The following PGR variants were observed in gnomAD, a reference collection of about 807,000 sequenced individuals.
The protein encoded by PGR is nuclear receptor subfamily 3 group C member 3.
Under a neutral mutation model 76.1 loss-of-function variants are expected in PGR, and 25 were observed. That is an observed-to-expected ratio of 0.33 (90% CI 0.24 to 0.46). PGR has a LOEUF of 0.46. Ranked by LOEUF, PGR falls within the 20% of genes least tolerant of loss-of-function variation. The pLI is 1.00. For synonymous variants in PGR, 579 were observed against 535.0 expected, an observed-to-expected ratio of 1.08 and a Z score of -1.14; for missense variants, 1,172 against 1,225.3, an observed-to-expected ratio of 0.96 and a Z score of 0.65.
chr11:101,053,530 T>TC (rs1318506399), intron 4 of PGR, among the ~76,000 whole-genome samples: 1 of 136,818 alleles, frequency 7.3e-6, no homozygotes, highest in Non-Finnish European at 1.5e-5. Context: ...CCTCCTTTCT[T>TC]CCCTCCCCTT....
Position 101,101,989 on chromosome 11 carries a change from C to T in PGR, c.1790-10113G>A, listed in dbSNP as rs184605232. ...GGCCTGTGTAGGATTCTTGTCAAAACGTTTAACTGGCATATAATTATGTGG... is the reference window on the plus strand; with the variant it reads ...GGCCTGTGTAGGATTCTTGTCAAAATGTTTAACTGGCATATAATTATGTGG... On this transcript the variant is annotated intron_variant, in intron 2 of 7. Coordinates refer to ENST00000325455, the MANE Select transcript of PGR (RefSeq NM_000926.4). Among the ~76,000 whole-genome samples the T allele has an allele frequency of 1.7e-4, 26 of 152,104 alleles. 1 individual carries two copies. Among genetic ancestry groups the T allele is most frequent in the Admixed American group, 1.2e-3 (18 of 15,278 alleles).
chr11:101,050,456 A>G (rs1860047515), intron 5 of PGR, among the ~76,000 whole-genome samples: 1 of 152,148 alleles, frequency 6.6e-6, no homozygotes, highest in African/African-American at 2.4e-5. Flanking sequence ...GAAAAATTAT[A>G]TAATTTTGTG....
Position 101,088,370 on chromosome 11 carries a change from C to T in PGR, c.1906+3390G>A, listed in dbSNP as rs181518452. Among the ~76,000 whole-genome samples the T allele has an allele frequency of 3.9e-5, 6 of 152,268 alleles. No individual in the cohort carries two copies. The South Asian group carries it at 6.2e-4, about 16-fold the overall frequency. On this transcript the variant is annotated intron_variant, in intron 3 of 7. Transcript: ENST00000325455. ...TTCTTTTGAGACAGTCTCGCTCTGT[C>T]GCCCAGGCTGGAGTGCAGTGGCGCG...
intron 3 of PGR, among the ~76,000 whole-genome samples, chr11:101,072,532 C>A (rs1360881024): frequency 6.6e-6 from 1 of 152,130 alleles, no homozygotes; most frequent in Non-Finnish European, 1.5e-5. Context: ...CACAGACCAG[C>A]AAACTGGATA....
chr11:101,104,500 A>C (rs2135476253), intron 2 of PGR, among the ~76,000 whole-genome samples: 1 of 152,334 alleles, frequency 6.6e-6, no homozygotes, highest in Middle Eastern at 3.4e-3. Flanking sequence ...CATAATAAAA[A>C]CAATAAATCA....
intron 2 of PGR, among the ~76,000 whole-genome samples, chr11:101,123,734 ACCACCTCG>A (rs1472145280): frequency 6.6e-6 from 1 of 152,148 alleles, no homozygotes; most frequent in African/African-American, 2.4e-5. Flanking sequence ...TCAACCCATA[ACCACCTCG>A]CTCTGTCCAA....
At chr11:101,074,315 T>A (rs1269152688) in intron 3 of PGR, among the ~76,000 whole-genome samples, 1 of 152,162 alleles carries the variant, frequency 6.6e-6, no homozygotes, top group Non-Finnish European at 1.5e-5. Flanking sequence ...TAGGTATTGA[T>A]GGACCGTATC....
intron 7 of PGR, 96 bp downstream of exon 7, chr11:101,041,849 G>A: frequency 8.1e-6 from 9 of 1,110,056 alleles, no homozygotes; most frequent in Non-Finnish European, 1.2e-5. Flanking sequence ...ATTAATCTGA[G>A]AAAATCATAC....
chr11:101,128,156 G>A lies in PGR; in HGVS notation c.915C>T (p.His305=), dbSNP rs757574300. The change falls in exon 1 of 8, where the codon CAC becomes CAT. Residue 305 remains histidine (H), a synonymous_variant. Coordinates refer to ENST00000325455, the MANE Select transcript of PGR (RefSeq NM_000926.4). Reference sequence around the variant, plus strand: ...CGTGATTGAGAGGCAGGATAGGCACGTGGATGAAATCCATCACCGTGGTGG... The same window carrying A: ...CGTGATTGAGAGGCAGGATAGGCACATGGATGAAATCCATCACCGTGGTGG... The part of the protein sequence containing the change: ...PLATTVMDFI[H]VPILPLNHAL... The A allele has an allele frequency of 3.1e-6, 5 of 1,598,248 alleles. No individual in the cohort carries two copies. The African/African-American group carries it at 4.0e-5, about 13-fold the overall frequency.
chr11:101,113,039 T>C (rs1862389431), intron 2 of PGR, among the ~76,000 whole-genome samples: 1 of 152,220 alleles, frequency 6.6e-6, no homozygotes, highest in South Asian at 2.1e-4. Context: ...TTTAGCAAGT[T>C]AGAAAATCTT....
At chr11:101,082,525 T>C (rs1310981066) in intron 3 of PGR, among the ~76,000 whole-genome samples, 1 of 152,160 alleles carries the variant, frequency 6.6e-6, no homozygotes, top group African/African-American at 2.4e-5. Flanking sequence ...ACATGGACAA[T>C]GAGTCTAGGC....
Position 101,050,111 on chromosome 11 carries a change from G to T in PGR, c.2358-52C>A, listed in dbSNP as rs754532314. 9 of 1,586,316 alleles carry T rather than the reference G, an allele frequency of 5.7e-6. No homozygotes were observed. The South Asian group carries it at 1.0e-4, about 18-fold the overall frequency. On this transcript the variant is annotated intron_variant, in intron 5 of 7. Transcript: ENST00000325455. ...AAAAAGCAACAGGAAAAAAAATAGT[G>T]TCTCAGCCAGTTTAGGTAATTTATC...
At chr11:101,100,210 A>T (rs765673463) in intron 2 of PGR, among the ~76,000 whole-genome samples, 4 of 152,116 alleles carry the variant, frequency 2.6e-5, no homozygotes, top group Non-Finnish European at 5.9e-5. Context: ...TCTCGTGATC[A>T]TCATGAGCAG....
chr11:101,080,715 T>G (rs941976048), intron 3 of PGR, among the ~76,000 whole-genome samples: 1 of 151,886 alleles, frequency 6.6e-6, no homozygotes, highest in Non-Finnish European at 1.5e-5. Context: ...AAAGACAAGG[T>G]TGAAAACCAA....
At chr11:101,099,330 C>T (rs1199781090) in intron 2 of PGR, among the ~76,000 whole-genome samples, 1 of 152,054 alleles carries the variant, frequency 6.6e-6, no homozygotes, top group Non-Finnish European at 1.5e-5. Context: ...TATCTGATTC[C>T]ATTAATATAA....
chr11:101,043,170 T>C (rs61890631), intron 6 of PGR, among the ~76,000 whole-genome samples: 17,406 of 152,288 alleles, frequency 0.11, 1,291 homozygotes, highest in Non-Finnish European at 0.16. Context: ...TCTTAAGTCC[T>C]GCTGCTGCAT....
chr11:101,030,412 T>C lies in PGR; in HGVS notation c.*8704A>G. The stretch of plus-strand genomic sequence containing the variant: ...ACATGATCACTTAATTTTTACAGTT[T>C]TGCATCTGTTACCAGCCAGTGCCAG... On this transcript the variant is annotated 3_prime_UTR_variant, in exon 8 of 8. Transcript: ENST00000325455. 4.3e-6 allele frequency: 1 copy of C among 230,372 alleles called. No homozygotes were observed. Among genetic ancestry groups the C allele is most frequent in the Non-Finnish European group, 8.6e-6 (1 of 116,258 alleles). 14.3% of individuals were successfully genotyped at this position (230,372 alleles called of 1,614,324 possible).
At chr11:101,070,854 TG>T (rs1163261952) in intron 3 of PGR, among the ~76,000 whole-genome samples, 1 of 152,192 alleles carries the variant, frequency 6.6e-6, no homozygotes, top group Non-Finnish European at 1.5e-5. Flanking sequence ...CCCATCTCCC[TG>T]GGACAGAGAA....
intron 4 of PGR, among the ~76,000 whole-genome samples, chr11:101,053,228 C>A (rs1005428681): frequency 3.3e-5 from 5 of 152,128 alleles, no homozygotes; most frequent in Non-Finnish European, 5.9e-5. Flanking sequence ...AAACTTAATT[C>A]ATTAGCTATC....
Sources: gnomAD v4.1 joint callset for allele counts (sites outside exome capture counted in the v4.1 genomes callset) on GRCh38, gnomAD v4.1.1 for gene constraint, MANE v1.5 for transcripts, NCBI Gene and HGNC (gene_info 2026-07-23, HGNC 2026-07-21) for gene names.